WHRN: variants seen among roughly 807,000 people sequenced by gnomAD.
WHRN encodes the protein whirlin.
In WHRN, 41 loss-of-function variants were observed where a neutral mutation model predicts 68.3. The ratio of observed to expected loss-of-function variants is 0.60; its 90% confidence interval spans 0.47 to 0.78. The LOEUF (loss-of-function observed/expected upper bound fraction) is 0.78. WHRN is among the 30% of genes least tolerant of loss of function. WHRN has a pLI of 0.00. For synonymous variants in WHRN, 560 were observed against 561.3 expected, an observed-to-expected ratio of 1.00 and a Z score of 0.03; for missense variants, 1,243 against 1,244.7, an observed-to-expected ratio of 1.00 and a Z score of 0.02.
At position 114,487,109 on chromosome 9, in the gene WHRN, T is replaced by C. The variant is rs1052731714; in HGVS notation, c.619-8338A>G. Among the ~76,000 whole-genome samples the C allele has an allele frequency of 6.1e-5, 9 of 146,978 alleles. No homozygotes were observed. In the Middle Eastern group the frequency reaches 0.011, roughly 174 times the overall value. Reference sequence around the variant, plus strand: ...ATAACAGAGGTATTATCTCACAGGGTAGTTCTGATTATTAAATTAGTCAAT... The same window carrying C: ...ATAACAGAGGTATTATCTCACAGGGCAGTTCTGATTATTAAATTAGTCAAT... On this transcript the variant is annotated intron_variant, in intron 1 of 11. Coordinates refer to ENST00000362057, the MANE Select transcript of WHRN (RefSeq NM_015404.4).
chr9:114,424,445 G>T lies in WHRN; in HGVS notation c.1305C>A (p.Asn435Lys). ...AGGCCATGGTGGCGTGTTCCTGCTC[G>T]TTCAGCAGGTGCCGAGCCTGCTCCT... is the stretch of plus-strand genomic sequence containing the variant. Reference protein sequence around the residue: ...LLEEQARHLLNEQEHATMAYY... With the variant: ...LLEEQARHLLKEQEHATMAYY... Residue 435 changes from asparagine to lysine, a missense_variant, in exon 6 of 12, where the codon AAC becomes AAA. Coordinates refer to ENST00000362057, the MANE Select transcript of WHRN (RefSeq NM_015404.4). 6.2e-7 allele frequency: 1 copy of T among 1,613,750 alleles called. No homozygotes were observed. Among genetic ancestry groups the T allele is most frequent in the African/African-American group, 1.3e-5 (1 of 75,056 alleles).
rs564982556 is a variant in WHRN, at chr9:114,459,761, C to A, written c.963+6506G>T. 4.6e-5 allele frequency among the ~76,000 whole-genome samples: 7 copies of A among 152,234 alleles called. No individual in the cohort carries two copies. The South Asian group carries it at 1.4e-3, about 31-fold the overall frequency. ...TGAAACATTGTTTCTGCACCAGACACTCGATGGGCCTTCATTAGGACTGCC... is the reference window on the plus strand; with the variant it reads ...TGAAACATTGTTTCTGCACCAGACAATCGATGGGCCTTCATTAGGACTGCC... On this transcript the variant is annotated intron_variant, in intron 3 of 11. Transcript: ENST00000362057.
chr9:114,406,222 C>A (rs1835012066), intron 9 of WHRN, 133 bp downstream of exon 9: 4 of 1,283,356 alleles, frequency 3.1e-6, no homozygotes, highest in Non-Finnish European at 4.4e-6. Flanking sequence ...GGGTCTCCAA[C>A]TCCCTTCGCC....
At chr9:114,482,053 C>T (rs928437364) in intron 1 of WHRN, among the ~76,000 whole-genome samples, 2 of 152,098 alleles carry the variant, frequency 1.3e-5, no homozygotes, top group Non-Finnish European at 2.9e-5. Context: ...CATTGTCCTG[C>T]GCACAGTAGG....
intron 2 of WHRN, among the ~76,000 whole-genome samples, chr9:114,467,591 G>A (rs918145717): frequency 6.6e-6 from 1 of 152,148 alleles, no homozygotes; most frequent in Admixed American, 6.5e-5. Flanking sequence ...AGTCCCGCCC[G>A]GGAGGAGGTG....
chr9:114,457,745 A>G (rs1174149529), intron 3 of WHRN, among the ~76,000 whole-genome samples: 1 of 152,076 alleles, frequency 6.6e-6, no homozygotes, highest in Non-Finnish European at 1.5e-5. Context: ...GTGAAACCCC[A>G]TCTCTACTAA....
chr9:114,487,008 T>TAA (rs1842600162), intron 1 of WHRN, among the ~76,000 whole-genome samples: 1 of 92,262 alleles, frequency 1.1e-5, no homozygotes, highest in African/African-American at 4.6e-5. Context: ...TATATATATA[T>TAA]AATATATATA....
chr9:114,505,016 C>T lies in WHRN; in HGVS notation c.-215G>A. On this transcript the variant is annotated 5_prime_UTR_variant, in exon 1 of 12. Transcript: ENST00000362057. ...CGCGAAGACGGCGGGGGTCGCGAAC[C>T]TGGAATCCGGGGGACGCGGAGACGT... is the stretch of plus-strand genomic sequence containing the variant. 1.6e-6 allele frequency: 1 copy of T among 617,866 alleles called. No individual in the cohort carries two copies. Among genetic ancestry groups the T allele is most frequent in the Admixed American group, 4.4e-5 (1 of 22,510 alleles). 38.3% of individuals were successfully genotyped at this position (617,866 alleles called of 1,614,324 possible). A position where few individuals can be genotyped will look rare whatever the true frequency, so the allele number is the denominator to read the frequency against.
intron 3 of WHRN, among the ~76,000 whole-genome samples, chr9:114,464,922 T>C (rs1328802418): frequency 6.6e-6 from 1 of 152,022 alleles, no homozygotes; most frequent in African/African-American, 2.4e-5. Flanking sequence ...CTAGGTAGCT[T>C]ATAAACAACA....
Position 114,499,014 on chromosome 9 carries a change from T to G in WHRN, c.618+5170A>C, listed in dbSNP as rs538271270. ...ACTCCAGGTGACAATGATGTGTCAA[T>G]GTAGGTTCATCAATTGTTGATAATG... On this transcript the variant is annotated intron_variant, in intron 1 of 11. Coordinates refer to ENST00000362057, the MANE Select transcript of WHRN (RefSeq NM_015404.4). Among the ~76,000 whole-genome samples, 8 of 152,326 alleles carry G rather than the reference T, an allele frequency of 5.3e-5. No individual in the cohort carries two copies. In the South Asian group the frequency reaches 1.5e-3, roughly 28 times the overall value.
rs55833018 is a variant in WHRN at position 114,403,457 on chromosome 9, C to T, written c.2419-118G>A. The T allele has an allele frequency of 0.25, 347,387 of 1,391,338 alleles. 45,337 individuals carry two copies. Among genetic ancestry groups the T allele is most frequent in the Middle Eastern group, 0.33 (1,448 of 4,422 alleles). 86.2% of individuals were successfully genotyped at this position (1,391,338 alleles called of 1,614,324 possible). A position where few individuals can be genotyped will look rare whatever the true frequency, so the allele number is the denominator to read the frequency against. The stretch of plus-strand genomic sequence containing the variant: ...CAGAGCTCAGGCTCCAGCCCTGTGT[C>T]GGGAGCCTCAGGTGTGCAACGCACT... On this transcript the variant is annotated intron_variant, in intron 10 of 11. Coordinates refer to ENST00000362057, the MANE Select transcript of WHRN (RefSeq NM_015404.4).
chr9:114,439,174 A>G (rs181515989), intron 3 of WHRN, among the ~76,000 whole-genome samples: 2 of 152,338 alleles, frequency 1.3e-5, no homozygotes, highest in African/African-American at 2.4e-5. Flanking sequence ...GGGGAGTCGT[A>G]CTCGGAGTGT....
chr9:114,428,324 T>C (rs1187719671), intron 3 of WHRN, among the ~76,000 whole-genome samples: 1 of 152,206 alleles, frequency 6.6e-6, no homozygotes, highest in African/African-American at 2.4e-5. Context: ...AGCAAGACTC[T>C]GTATTAAAAA....
chr9:114,479,632 G>A (rs1050229470), intron 1 of WHRN, among the ~76,000 whole-genome samples: 3 of 152,212 alleles, frequency 2.0e-5, no homozygotes, highest in Admixed American at 2.0e-4. Context: ...CGGCCACTCT[G>A]CGCTGCACCT....
rs1589059241 is a variant in WHRN, at chr9:114,404,195, G to T, written c.2237-118C>A. On this transcript the variant is annotated intron_variant, in intron 9 of 11. Transcript: ENST00000362057. ...CTGGGGGAATTCCCCAGGCAAAGAT[G>T]GGGGAAGGAATGAAGAGATCGTGGG... is the stretch of plus-strand genomic sequence containing the variant. 3.6e-6 allele frequency: 4 copies of T among 1,124,968 alleles called. No homozygotes were observed. In the South Asian group the frequency reaches 4.0e-5, roughly 11 times the overall value. 69.7% of individuals were successfully genotyped at this position (1,124,968 alleles called of 1,614,324 possible).
intron 7 of WHRN, among the ~76,000 whole-genome samples, chr9:114,412,327 G>A (rs111992853): frequency 0.014 from 2,067 of 152,266 alleles, 48 homozygotes; most frequent in African/African-American, 0.047. Context: ...TGCAGGAGCT[G>A]GGCCTGTTCA....
intron 7 of WHRN, among the ~76,000 whole-genome samples, chr9:114,421,721 A>G (rs1836304621): frequency 6.6e-6 from 1 of 152,204 alleles, no homozygotes; most frequent in African/African-American, 2.4e-5. Flanking sequence ...CCCTTAAACC[A>G]GATCCTCACC....
intron 3 of WHRN, 34 bp from the exon 4 acceptor site, chr9:114,426,447 G>A: frequency 6.2e-7 from 1 of 1,611,608 alleles, no homozygotes; most frequent in Non-Finnish European, 8.5e-7. Context: ...AGTCACCTGG[G>A]CTGTTTGCAG....
At chr9:114,450,541 G>A (rs1294935470) in intron 3 of WHRN, among the ~76,000 whole-genome samples, 4 of 152,178 alleles carry the variant, frequency 2.6e-5, no homozygotes, top group Non-Finnish European at 5.9e-5. Context: ...CAAGACTCAT[G>A]CGGTTACCTT....
Sources: gnomAD v4.1 joint callset for allele counts (sites outside exome capture counted in the v4.1 genomes callset) on GRCh38, gnomAD v4.1.1 for gene constraint, MANE v1.5 for transcripts, NCBI Gene and HGNC (gene_info 2026-07-23, HGNC 2026-07-21) for gene names.